SCN11A: variants seen among roughly 807,000 people sequenced by gnomAD.
The protein encoded by SCN11A is sodium voltage-gated channel alpha subunit 11.
Under a neutral mutation model 162.2 loss-of-function variants are expected in SCN11A, and 122 were observed. The observed-to-expected ratio is 0.75, with a 90% CI of 0.65 to 0.87. The LOEUF (loss-of-function observed/expected upper bound fraction) is 0.87, where lower values mean the gene tolerates loss of function less well. SCN11A is among the 40% of genes least tolerant of loss of function. The pLI, the probability that SCN11A is intolerant of heterozygous loss-of-function variation, is 0.00. For missense variants in SCN11A, 2,015 were observed against 2,181.6 expected, an observed-to-expected ratio of 0.92 and a Z score of 1.52; for synonymous variants, 758 against 751.5, an observed-to-expected ratio of 1.01 and a Z score of -0.14.
chr3:38,998,960 T>C (rs1338006862), intron 2 of SCN11A, among the ~76,000 whole-genome samples: 6 of 150,976 alleles, frequency 4.0e-5, no homozygotes, highest in African/African-American at 1.5e-4. Flanking sequence ...TAATGTTAAA[T>C]GACGAGTTAA....
chr3:38,894,878 A>T lies in SCN11A; in HGVS notation c.2490T>A (p.Thr830=). 1.2e-6 allele frequency: 2 copies of T among 1,614,186 alleles called. No homozygotes were observed. Among genetic ancestry groups the T allele is most frequent in the South Asian group, 2.2e-5 (2 of 91,084 alleles). ...NGNLEGEARK[T]KVQLALDRFR... ...ATCGATCCAGTGCTAACTGGACTTT[A>T]GTTTTCCTGGCCTCTCCTTCTAAGT... The change falls in exon 19 of 30, where the codon ACT becomes ACA. Residue 830 remains threonine (T), a synonymous_variant. Transcript: ENST00000302328.
chr3:38,988,932 A>G (rs1211507943), intron 2 of SCN11A, among the ~76,000 whole-genome samples: 1 of 152,154 alleles, frequency 6.6e-6, no homozygotes, highest in African/African-American at 2.4e-5. Context: ...AAAAGGCAGT[A>G]TGTGGTTTTT....
chr3:38,903,293 T>TCC (rs1452206566), intron 16 of SCN11A, among the ~76,000 whole-genome samples: 1 of 152,056 alleles, frequency 6.6e-6, no homozygotes, highest in African/African-American at 2.4e-5. Flanking sequence ...AAAAGTCTGC[T>TCC]CCCCTTAGTT....
chr3:38,886,791 C>T (rs9863384), intron 19 of SCN11A, among the ~76,000 whole-genome samples: 40,050 of 152,024 alleles, frequency 0.26, 5,491 homozygotes, highest in African/African-American at 0.33. Context: ...AATAATAAAA[C>T]ATATCACTAC....
At position 38,925,526 on chromosome 3, in the gene SCN11A, A is replaced by C; in HGVS notation, c.618-17T>G. 6.3e-7 allele frequency: 1 copy of C among 1,576,332 alleles called. No homozygotes were observed. Among genetic ancestry groups the C allele is most frequent in the Non-Finnish European group, 8.7e-7 (1 of 1,145,656 alleles). On this transcript the variant is annotated splice_polypyrimidine_tract_variant and intron_variant, in intron 8 of 29. Coordinates refer to ENST00000302328, the MANE Select transcript of SCN11A (RefSeq NM_001349253.2). ...GACACAATCCTACAAGACAAAGCAC[A>C]GGGAAGGCATGGGCTTGCTCAGTCC...
chr3:39,006,307 A>G (rs1324511519), intron 2 of SCN11A, among the ~76,000 whole-genome samples: 5 of 152,230 alleles, frequency 3.3e-5, no homozygotes, highest in Non-Finnish European at 7.3e-5. Flanking sequence ...TAAACAACTA[A>G]TCAATATCTG....
intron 2 of SCN11A, among the ~76,000 whole-genome samples, chr3:39,008,069 C>T (rs932549095): frequency 3.3e-5 from 5 of 152,170 alleles, no homozygotes; most frequent in Non-Finnish European, 5.9e-5. Context: ...GAAATCTACA[C>T]ATTTGGTGTC....
chr3:38,914,676 A>T (rs531727000), intron 11 of SCN11A, among the ~76,000 whole-genome samples: 17 of 152,208 alleles, frequency 1.1e-4, no homozygotes, highest in African/African-American at 4.1e-4. Context: ...TATCTAGTGT[A>T]TTGAGAGTTT....
At chr3:39,038,129 T>C (rs1180451229) in intron 1 of SCN11A, among the ~76,000 whole-genome samples, 1 of 152,196 alleles carries the variant, frequency 6.6e-6, no homozygotes, top group Non-Finnish European at 1.5e-5. Context: ...GTATTAGTTA[T>C]CTTTTGTTGC....
chr3:39,042,283 CA>C (rs2032066856), intron 1 of SCN11A, among the ~76,000 whole-genome samples: 1 of 152,078 alleles, frequency 6.6e-6, no homozygotes, highest in Non-Finnish European at 1.5e-5. Flanking sequence ...AAAACCCAAA[CA>C]AACCAAGAGC....
intron 16 of SCN11A, among the ~76,000 whole-genome samples, chr3:38,901,455 T>C (rs1312599585): frequency 6.6e-6 from 1 of 152,196 alleles, no homozygotes; most frequent in African/African-American, 2.4e-5. Context: ...TGTATCTCCT[T>C]TAGGCTTTAG....
rs1219759543 is a variant in SCN11A, at chr3:38,900,092, G to A, written c.1843-19C>T. 6.2e-7 allele frequency: 1 copy of A among 1,606,084 alleles called. No individual in the cohort carries two copies. The highest frequency in any genetic ancestry group is 1.7e-5 in the Admixed American group (1 of 59,916). ...TGAAAACCTAGAGTGGGACAAAGAA[G>A]AATGAGAGAAGGAAGCTGCGGAGAT... On this transcript the variant is annotated intron_variant, in intron 16 of 29. Coordinates refer to ENST00000302328, the MANE Select transcript of SCN11A (RefSeq NM_001349253.2).
In SCN11A at chr3:38,883,283, A is replaced by G. The variant is rs1388587955; in HGVS notation, c.3169T>C (p.Trp1057Arg). ...KTCYQIVKHS[W>R]FESFIIFVIL... is the part of the protein sequence containing the mutation. ...ACAAAGATAATAAAGCTCTCAAACC[A>G]GCTGTGTTTCACTATTTGGTAGCAG... Residue 1057 changes from tryptophan to arginine, a missense_variant, in exon 22 of 30, where the codon TGG becomes CGG. Physicochemically the swap from Trp to Arg is moderately radical, Grantham distance 101 (BLOSUM62 -3). Coordinates refer to ENST00000302328, the MANE Select transcript of SCN11A (RefSeq NM_001349253.2). 1.2e-6 allele frequency: 2 copies of G among 1,614,000 alleles called. No individual in the cohort carries two copies. Among genetic ancestry groups the G allele is most frequent in the African/African-American group, 1.3e-5 (1 of 75,038 alleles).
chr3:39,033,764 TTTG>T (rs2031825600), intron 1 of SCN11A, among the ~76,000 whole-genome samples: 1 of 152,184 alleles, frequency 6.6e-6, no homozygotes, highest in African/African-American at 2.4e-5. Context: ...ATAAAAAATA[TTTG>T]AAAAAAACTC....
chr3:38,880,202 T>C (rs1034049027), intron 22 of SCN11A, 79 bp from the exon 23 acceptor site: 1 of 1,045,196 alleles, frequency 9.6e-7, no homozygotes, highest in African/African-American at 1.6e-5. Flanking sequence ...TTTGTTTTTC[T>C]TCCTTATATG....
chr3:38,869,763 A>G, intron 26 of SCN11A, among the ~76,000 whole-genome samples: 1 of 152,228 alleles, frequency 6.6e-6, no homozygotes, highest in Non-Finnish European at 1.5e-5. Context: ...GAATGCTGAC[A>G]TAACATGCAA....
At chr3:39,025,701 G>A (rs1207762642) in intron 2 of SCN11A, among the ~76,000 whole-genome samples, 1 of 152,164 alleles carries the variant, frequency 6.6e-6, no homozygotes, top group East Asian at 1.9e-4. Context: ...GTTTTGGTGG[G>A]TTTTGGCTGG....
chr3:38,935,601 C>A (rs2066318224), intron 7 of SCN11A, among the ~76,000 whole-genome samples: 1 of 152,216 alleles, frequency 6.6e-6, no homozygotes, highest in Non-Finnish European at 1.5e-5. Flanking sequence ...ACAAACACCC[C>A]TATGCAAATA....
intron 2 of SCN11A, among the ~76,000 whole-genome samples, 99 bp downstream of exon 2, chr3:39,032,281 G>A (rs2031778683): frequency 6.6e-6 from 1 of 152,092 alleles, no homozygotes; most frequent in Non-Finnish European, 1.5e-5. Context: ...ACAGACAGTG[G>A]TGGTTATAAA....
Sources: allele counts gnomAD v4.1 joint callset (sites outside exome capture counted in the v4.1 genomes callset), GRCh38; gene constraint gnomAD v4.1.1; transcripts MANE v1.5; gene names NCBI Gene and HGNC (gene_info 2026-07-23, HGNC 2026-07-21).